Variants in HOXB3 observed in about 807,000 individuals in gnomAD.
HOXB3 encodes homeobox B3.
A neutral mutation model predicts 29.2 loss-of-function variants in HOXB3; 17 were observed. The observed-to-expected ratio is 0.58, with a 90% CI of 0.40 to 0.87. The LOEUF (loss-of-function observed/expected upper bound fraction) is 0.87. Ranked by LOEUF, HOXB3 falls within the 40% of genes least tolerant of loss-of-function variation. The pLI is 0.00. For synonymous variants in HOXB3, 317 were observed against 285.9 expected (o/e 1.11, Z -1.10); for missense variants, 637 against 616.3 (o/e 1.03, Z -0.35).
intron 2 of HOXB3, among the ~76,000 whole-genome samples, chr17:48,569,055 C>T (rs1208509105): frequency 2.3e-5 from 2 of 88,718 alleles, no homozygotes; most frequent in Non-Finnish European, 5.3e-5. Flanking sequence ...CTCTCCCTCT[C>T]TCTCTCCCCC....
intron 2 of HOXB3, among the ~76,000 whole-genome samples, chr17:48,561,183 A>AACACACACACACACAC (rs530713063): frequency 0.023 from 2,902 of 125,366 alleles, 97 homozygotes; most frequent in East Asian, 0.043. Context: ...TCCGTCTCAA[A>AACACACACACACACAC]ACACACACAC....
intron 2 of HOXB3, among the ~76,000 whole-genome samples, chr17:48,562,278 C>G (rs1475270135): frequency 6.6e-6 from 1 of 152,114 alleles, no homozygotes; most frequent in East Asian, 1.9e-4. Flanking sequence ...GCCCTCTCAC[C>G]CGACCCCCTC....
Position 48,552,187 on chromosome 17 carries a change from A to G in HOXB3, c.288T>C (p.Pro96=), listed in dbSNP as rs760485651. 6.2e-7 allele frequency: 1 copy of G among 1,613,634 alleles called. No individual in the cohort carries two copies. Among genetic ancestry groups the G allele is most frequent in the Non-Finnish European group, 8.5e-7 (1 of 1,179,814 alleles). The change falls in exon 4 of 5, where the codon CCT becomes CCC. Residue 96 remains proline (P), a synonymous_variant. Transcript: ENST00000498678. ...TACTGCTGTTGCTAGTGGCACTGGT[A>G]GGTGCGGCACTGGGCGGGGGTGAGC... is the stretch of plus-strand genomic sequence containing the variant. The part of the protein sequence containing the change: ...PPGSPPPSAA[P]TSATSNSSNG...
chr17:48,565,109 C>T (rs1320225000), intron 2 of HOXB3, among the ~76,000 whole-genome samples: 1 of 152,102 alleles, frequency 6.6e-6, no homozygotes, highest in African/African-American at 2.4e-5. Context: ...AAAAAAGAGA[C>T]CAAACCCACA....
At chr17:48,576,912 C>T (rs777558289) in intron 1 of HOXB3, 6 of 1,614,118 alleles carry the variant, frequency 3.7e-6, no homozygotes, top group Non-Finnish European at 1.7e-6. Context: ...CCTCCGGCGC[C>T]GTGTCAGGTA....
At chr17:48,569,214 C>T (rs1285118004) in intron 2 of HOXB3, among the ~76,000 whole-genome samples, 1 of 152,026 alleles carries the variant, frequency 6.6e-6, no homozygotes, top group Non-Finnish European at 1.5e-5. Flanking sequence ...AATCACGTGA[C>T]CGGGAGGGGG....
intron 3 of HOXB3, 166 bp downstream of exon 3, chr17:48,555,365 G>GA (rs1567949267): frequency 1.4e-3 from 189 of 133,948 alleles, no homozygotes; most frequent in African/African-American, 8.4e-3. Context: ...AGAGAGAGAG[G>GA]GAGGGAGGGA....
intron 2 of HOXB3, chr17:48,559,974 A>G (rs1221407470): frequency 3.9e-5 from 6 of 152,322 alleles, no homozygotes; most frequent in South Asian, 2.1e-4. Flanking sequence ...GCTGCCAGCG[A>G]GTTGGGAGCC....
intron 1 of HOXB3, chr17:48,577,049 A>G (rs751397865): frequency 4.6e-6 from 7 of 1,535,534 alleles, no homozygotes; most frequent in Non-Finnish European, 5.2e-6. Flanking sequence ...AGGGAGAAAG[A>G]GAAAGTTTTA....
At chr17:48,576,670 C>T in intron 1 of HOXB3, 1 of 935,398 alleles carries the variant, frequency 1.1e-6, no homozygotes, top group Non-Finnish European at 1.5e-6. Flanking sequence ...CCATCCCCTG[C>T]ACTCACTGCC....
intron 1 of HOXB3, among the ~76,000 whole-genome samples, chr17:48,587,212 C>T (rs1365910575): frequency 6.6e-6 from 1 of 152,090 alleles, no homozygotes; most frequent in Admixed American, 6.5e-5. Context: ...GCTTAAGGGG[C>T]CCCCGTTTTT....
At chr17:48,567,495 G>A (rs1170056526) in intron 2 of HOXB3, among the ~76,000 whole-genome samples, 2 of 152,142 alleles carry the variant, frequency 1.3e-5, no homozygotes, top group Non-Finnish European at 2.9e-5. Flanking sequence ...CAACTTTGGG[G>A]CACAGTGCAG....
intron 2 of HOXB3, among the ~76,000 whole-genome samples, chr17:48,570,854 C>T (rs923813409): frequency 1.3e-5 from 2 of 152,126 alleles, no homozygotes; most frequent in African/African-American, 4.8e-5. Flanking sequence ...CCGGCTCCAG[C>T]GAGGGCAACT....
intron 1 of HOXB3, among the ~76,000 whole-genome samples, chr17:48,584,385 C>A (rs1013124481): frequency 2.6e-5 from 4 of 152,182 alleles, no homozygotes; most frequent in Admixed American, 1.3e-4. Flanking sequence ...AGTGTTGGCC[C>A]ATGCTCATGG....
chr17:48,568,063 G>T (rs527725648), intron 2 of HOXB3, among the ~76,000 whole-genome samples: 1 of 152,074 alleles, frequency 6.6e-6, no homozygotes, highest in Non-Finnish European at 1.5e-5. Flanking sequence ...CAATTGCACA[G>T]AACTTTGATT....
intron 1 of HOXB3, among the ~76,000 whole-genome samples, chr17:48,587,516 A>G (rs565004542): frequency 9.5e-4 from 144 of 152,234 alleles, no homozygotes; most frequent in African/African-American, 3.2e-3. Context: ...GGTTGTGCTG[A>G]GCTTCTGTCT....
chr17:48,555,676 C>T, intron 2 of HOXB3, 58 bp from the exon 3 acceptor site: 1 of 694,330 alleles, frequency 1.4e-6, no homozygotes, highest in South Asian at 1.5e-5. Flanking sequence ...CCCGCCCCCC[C>T]GCCCCCGCCC....
At chr17:48,572,270 T>G (rs981449842) in intron 2 of HOXB3, among the ~76,000 whole-genome samples, 1 of 152,232 alleles carries the variant, frequency 6.6e-6, no homozygotes, top group Non-Finnish European at 1.5e-5. Flanking sequence ...CAAGGGCTTT[T>G]TTCATTATTG....
chr17:48,549,899 G>A lies in HOXB3; in HGVS notation c.*435C>T, dbSNP rs2068648722. 2 of 155,314 alleles carry A rather than the reference G, an allele frequency of 1.3e-5. No individual in the cohort carries two copies. Among genetic ancestry groups the A allele is most frequent in the African/African-American group, 4.9e-5 (2 of 40,910 alleles). 9.6% of individuals were successfully genotyped at this position (155,314 alleles called of 1,614,324 possible). A position where few individuals can be genotyped will look rare whatever the true frequency, so the allele number is the denominator to read the frequency against. ...TCTTATTTTTTAAAGGATAATTGAGGAAAAAAAAAAATCAAGATTTGGGGG... is the reference window on the plus strand; with the variant it reads ...TCTTATTTTTTAAAGGATAATTGAGAAAAAAAAAAAATCAAGATTTGGGGG... On this transcript the variant is annotated 3_prime_UTR_variant, in exon 5 of 5. Coordinates refer to ENST00000498678, the MANE Select transcript of HOXB3 (RefSeq NM_001384749.1).
Sources: gnomAD v4.1 joint callset for allele counts (sites outside exome capture counted in the v4.1 genomes callset) on GRCh38, gnomAD v4.1.1 for gene constraint, MANE v1.5 for transcripts, NCBI Gene and HGNC (gene_info 2026-07-23, HGNC 2026-07-21) for gene names.